The following ACSM3 variants were observed in gnomAD, a reference collection of about 807,000 sequenced individuals.
ACSM3 encodes acyl-coenzyme A synthetase ACSM3, mitochondrial.
ACSM3 carries 61 observed loss-of-function variants against 74.1 expected under a neutral mutation model. The ratio of observed to expected loss-of-function variants is 0.82; its 90% CI spans 0.67 to 1.02. The LOEUF is 1.02. Ranked by LOEUF, ACSM3 falls within the 50% of genes least tolerant of loss-of-function variation. ACSM3 has a pLI of 0.00. For synonymous variants in ACSM3, 213 were observed against 241.5 expected, an observed-to-expected ratio of 0.88 and a Z score of 1.09; for missense variants, 660 against 697.0, an observed-to-expected ratio of 0.95 and a Z score of 0.60.
chr16:20,741,944 C>T (rs2079931084), intron 1 of ACSM3: 1 of 1,532,400 alleles, frequency 6.5e-7, no homozygotes, highest in Non-Finnish European at 8.7e-7. Flanking sequence ...GCCCCGCCTC[C>T]TGCCCCGCCT....
rs181459409 is a variant in ACSM3 at position 20,678,925 on chromosome 16, C to A, written c.-190+4103C>A. Among the ~76,000 whole-genome samples the A allele has an allele frequency of 1.6e-3, 244 of 152,242 alleles. 1 individual carries two copies. The highest frequency in any genetic ancestry group is 3.4e-3 in the Middle Eastern group (1 of 294). On this transcript the variant is annotated intron_variant, in intron 1 of 3. Transcript: ENST00000561584. ...AGATTTTGTTCAGCCGGCCACCCCCCATCATCTGTAGACTAGAAGAAGTAA... is the reference window on the plus strand; with the variant it reads ...AGATTTTGTTCAGCCGGCCACCCCCAATCATCTGTAGACTAGAAGAAGTAA...
intron 3 of ACSM3, among the ~76,000 whole-genome samples, chr16:20,756,132 C>A (rs1220595401): frequency 1.3e-5 from 2 of 152,022 alleles, no homozygotes; most frequent in Non-Finnish European, 2.9e-5. Flanking sequence ...GATTTATGGT[C>A]CTTTGGGTAT....
intron 1 of ACSM3, chr16:20,728,587 A>G: frequency 2.2e-6 from 1 of 453,072 alleles, no homozygotes; most frequent in Non-Finnish European, 4.0e-6. Flanking sequence ...CAAGCAACAA[A>G]ATCTATTTCA....
chr16:20,709,697 T>C (rs1488651158), intron 1 of ACSM3, among the ~76,000 whole-genome samples: 1 of 152,244 alleles, frequency 6.6e-6, no homozygotes, highest in Non-Finnish European at 1.5e-5. Flanking sequence ...AGTTATTCAC[T>C]TTCTCAAGAA....
intron 1 of ACSM3, among the ~76,000 whole-genome samples, chr16:20,746,301 G>A (rs960929878): frequency 6.6e-6 from 1 of 152,040 alleles, no homozygotes; most frequent in African/African-American, 2.4e-5. Context: ...TCTTTTTGAT[G>A]TAAGTATCCA....
chr16:20,715,050 A>C (rs892054469), intron 1 of ACSM3, among the ~76,000 whole-genome samples: 1 of 152,232 alleles, frequency 6.6e-6, no homozygotes, highest in African/African-American at 2.4e-5. Flanking sequence ...GTAGGTAAAT[A>C]GATAGACAGA....
intron 1 of ACSM3, among the ~76,000 whole-genome samples, chr16:20,701,344 A>G (rs1022796105): frequency 6.6e-6 from 1 of 152,142 alleles, no homozygotes; most frequent in African/African-American, 2.4e-5. Flanking sequence ...AAATTGACCA[A>G]TGACTTCCCC....
chr16:20,722,227 T>C (rs1356296844), intron 1 of ACSM3: 1 of 152,214 alleles, frequency 6.6e-6, no homozygotes, highest in East Asian at 1.9e-4. Context: ...AAGGTAACAA[T>C]AATTGGTAAG....
intron 1 of ACSM3, among the ~76,000 whole-genome samples, chr16:20,707,901 TG>T (rs1409004537): frequency 6.6e-6 from 1 of 152,178 alleles, no homozygotes; most frequent in Non-Finnish European, 1.5e-5. Flanking sequence ...TGGATATCTA[TG>T]AATTGTCTGA....
chr16:20,697,253 G>A (rs2079694638), intron 1 of ACSM3, among the ~76,000 whole-genome samples: 1 of 151,806 alleles, frequency 6.6e-6, no homozygotes, highest in African/African-American at 2.4e-5. Context: ...TTTTTAGAAG[G>A]CATTCACTTT....
chr16:20,779,254 C>T (rs530134082), intron 4 of ACSM3, among the ~76,000 whole-genome samples: 1 of 151,778 alleles, frequency 6.6e-6, no homozygotes, highest in African/African-American at 2.4e-5. Context: ...GAAACCTCTT[C>T]TCTATATAAA....
At chr16:20,753,276 C>A (rs979004535) in intron 2 of ACSM3, among the ~76,000 whole-genome samples, 5 of 151,702 alleles carry the variant, frequency 3.3e-5, no homozygotes, top group Non-Finnish European at 5.9e-5. Flanking sequence ...CCAGCCCGGC[C>A]AACATGGTGA....
intron 1 of ACSM3, among the ~76,000 whole-genome samples, chr16:20,682,901 T>G (rs2079475662): frequency 6.6e-6 from 1 of 152,076 alleles, no homozygotes; most frequent in Non-Finnish European, 1.5e-5. Context: ...GAATGTCCCC[T>G]CTTTCCTTCA....
chr16:20,741,482 C>CG, intron 1 of ACSM3: 7 of 160,346 alleles, frequency 4.4e-5, no homozygotes, highest in South Asian at 9.0e-5. Context: ...TGGCAGCCGG[C>CG]CCGCCCGCCC....
At chr16:20,715,253 G>C (rs1800657415) in intron 1 of ACSM3, among the ~76,000 whole-genome samples, 1 of 152,102 alleles carries the variant, frequency 6.6e-6, no homozygotes. Context: ...ATTTTAAGGG[G>C]AGGAAGGAAG....
intron 2 of ACSM3, among the ~76,000 whole-genome samples, chr16:20,770,461 G>A (rs891930116): frequency 1.3e-5 from 2 of 151,908 alleles, no homozygotes; most frequent in East Asian, 1.9e-4. Flanking sequence ...TATTTGACCC[G>A]AAATGTCAAT....
At chr16:20,737,932 A>G in intron 1 of ACSM3, 2 of 1,604,088 alleles carry the variant, frequency 1.2e-6, no homozygotes, top group Non-Finnish European at 1.7e-6. Context: ...ATCCTGGAGA[A>G]TATGATGCAC....
intron 1 of ACSM3, among the ~76,000 whole-genome samples, chr16:20,696,750 C>G (rs1353692028): frequency 6.6e-6 from 1 of 152,188 alleles, no homozygotes; most frequent in East Asian, 1.9e-4. Context: ...TACATAGTGC[C>G]TTGAACAGCT....
At chr16:20,687,406 C>T (rs2079573087) in intron 1 of ACSM3, among the ~76,000 whole-genome samples, 1 of 152,004 alleles carries the variant, frequency 6.6e-6, no homozygotes, top group Non-Finnish European at 1.5e-5. Flanking sequence ...ACACAGAGGC[C>T]AAGGAAAGAT....
Sources: gnomAD v4.1 joint callset for allele counts (sites outside exome capture counted in the v4.1 genomes callset) on GRCh38, gnomAD v4.1.1 for gene constraint, MANE v1.5 for transcripts, NCBI Gene and HGNC (gene_info 2026-07-23, HGNC 2026-07-21) for gene names.